NELL2: variants seen among roughly 807,000 people sequenced by gnomAD.
The protein encoded by NELL2 is neural EGFL like 2.
Under a neutral mutation model 109.6 loss-of-function variants are expected in NELL2, and 41 were observed. The ratio of observed to expected loss-of-function variants is 0.37; its 90% CI spans 0.29 to 0.49. The LOEUF (loss-of-function observed/expected upper bound fraction) is 0.49, where lower values mean the gene tolerates loss of function less well. Ranked by LOEUF, NELL2 falls within the 20% of genes least tolerant of loss-of-function variation. The probability of loss-of-function intolerance (pLI) is 0.98; values close to 1 mark genes in which losing one functional copy is unlikely to be tolerated. For missense variants in NELL2, 900 were observed against 1,008.3 expected, an observed-to-expected ratio of 0.89 and a Z score of 1.45; for synonymous variants, 355 against 344.7, an observed-to-expected ratio of 1.03 and a Z score of -0.33.
At chr12:44,731,186 T>C (rs1322504467) in intron 9 of NELL2, among the ~76,000 whole-genome samples, 1 of 152,198 alleles carries the variant, frequency 6.6e-6, no homozygotes, top group Admixed American at 6.5e-5. Flanking sequence ...GAATTAATGG[T>C]AATCTTTTTC....
At chr12:44,697,730 G>A (rs1475569651) in intron 12 of NELL2, among the ~76,000 whole-genome samples, 1 of 152,104 alleles carries the variant, frequency 6.6e-6, no homozygotes, top group Non-Finnish European at 1.5e-5. Context: ...ATCAAGCAGA[G>A]TCTGTAAGAA....
At chr12:44,891,056 T>G (rs879801285) in intron 1 of NELL2, among the ~76,000 whole-genome samples, 7 of 152,180 alleles carry the variant, frequency 4.6e-5, no homozygotes, top group African/African-American at 9.6e-5. Context: ...TTATGACTAC[T>G]AGTAGTGGAA....
intron 12 of NELL2, among the ~76,000 whole-genome samples, chr12:44,687,842 T>C (rs999382290): frequency 6.6e-6 from 1 of 152,228 alleles, no homozygotes; most frequent in Non-Finnish European, 1.5e-5. Context: ...TGGTGTCTTA[T>C]ATGTTACTTC....
At chr12:44,749,838 A>G (rs564165028) in intron 9 of NELL2, among the ~76,000 whole-genome samples, 2 of 152,172 alleles carry the variant, frequency 1.3e-5, no homozygotes, top group Non-Finnish European at 2.9e-5. Context: ...CAATGTAAGA[A>G]GCACTATCTT....
chr12:44,654,942 C>T (rs186067121), intron 13 of NELL2, among the ~76,000 whole-genome samples: 9 of 152,252 alleles, frequency 5.9e-5, no homozygotes, highest in Admixed American at 5.9e-4. Flanking sequence ...TCAAAGCCAA[C>T]AATCAAGAAA....
chr12:44,673,935 T>TA (rs202029207), intron 12 of NELL2, among the ~76,000 whole-genome samples: 1,837 of 147,046 alleles, frequency 0.012, 13 homozygotes, highest in East Asian at 0.027. Flanking sequence ...TGAGACACTT[T>TA]AAAAAAAAAA....
chr12:44,520,735 G>GA (rs1236951517), intron 18 of NELL2, among the ~76,000 whole-genome samples: 11 of 149,806 alleles, frequency 7.3e-5, no homozygotes, highest in South Asian at 6.4e-4. Context: ...TAGAGACTTT[G>GA]AAAAAAAAAG....
intron 15 of NELL2, among the ~76,000 whole-genome samples, chr12:44,555,462 T>C (rs942312398): frequency 6.6e-6 from 1 of 152,128 alleles, no homozygotes; most frequent in Non-Finnish European, 1.5e-5. Flanking sequence ...AGAATAACAT[T>C]AGTTTTAGTA....
chr12:44,845,493 C>T (rs977842076), intron 2 of NELL2, among the ~76,000 whole-genome samples: 2 of 152,192 alleles, frequency 1.3e-5, no homozygotes, highest in African/African-American at 4.8e-5. Context: ...TTCACATTAG[C>T]CACATTTCAA....
At chr12:44,633,861 C>T (rs565630106) in intron 13 of NELL2, among the ~76,000 whole-genome samples, 1 of 152,228 alleles carries the variant, frequency 6.6e-6, no homozygotes, top group African/African-American at 2.4e-5. Flanking sequence ...AAAAGAGCTT[C>T]TACTGAAGAG....
chr12:44,770,212 C>T (rs528572712), intron 9 of NELL2, among the ~76,000 whole-genome samples: 1 of 152,156 alleles, frequency 6.6e-6, no homozygotes, highest in Admixed American at 6.5e-5. Context: ...CATTTCACTA[C>T]TTTGTATTTT....
chr12:44,729,530 A>C (rs1939253207), intron 9 of NELL2, among the ~76,000 whole-genome samples: 1 of 150,644 alleles, frequency 6.6e-6, no homozygotes, highest in South Asian at 2.1e-4. Context: ...TAAATGGATT[A>C]AACTGTCAAA....
chr12:44,682,218 T>G (rs908854353), intron 12 of NELL2, among the ~76,000 whole-genome samples: 3 of 150,436 alleles, frequency 2.0e-5, no homozygotes, highest in Non-Finnish European at 2.9e-5. Context: ...AATGTCTTCT[T>G]TTGAGAAGTG....
At chr12:44,512,521 C>T (rs1467163095) in intron 19 of NELL2, among the ~76,000 whole-genome samples, 1 of 151,994 alleles carries the variant, frequency 6.6e-6, no homozygotes, top group African/African-American at 2.4e-5. Flanking sequence ...GAAGATATAT[C>T]TGAACCCCCA....
At chr12:44,530,898 C>T (rs1347365446) in intron 16 of NELL2, among the ~76,000 whole-genome samples, 2 of 152,174 alleles carry the variant, frequency 1.3e-5, no homozygotes, top group African/African-American at 4.8e-5. Context: ...GCACAAATCC[C>T]TGACCCATAG....
chr12:44,615,021 T>C (rs914210464), intron 13 of NELL2, among the ~76,000 whole-genome samples: 3 of 152,072 alleles, frequency 2.0e-5, no homozygotes, highest in African/African-American at 7.2e-5. Flanking sequence ...AAAATGATTA[T>C]AAAGTTAAAA....
chr12:44,583,239 T>C (rs900868871), intron 15 of NELL2, among the ~76,000 whole-genome samples: 1 of 152,066 alleles, frequency 6.6e-6, no homozygotes, highest in Non-Finnish European at 1.5e-5. Context: ...ACAAGGAGGG[T>C]TGGAGGGTAT....
chr12:44,707,961 C>T (rs576184178), intron 11 of NELL2, among the ~76,000 whole-genome samples: 86 of 152,132 alleles, frequency 5.7e-4, no homozygotes, highest in Non-Finnish European at 8.5e-4. Flanking sequence ...GCCCCTATTG[C>T]TTATAATTAT....
intron 9 of NELL2, among the ~76,000 whole-genome samples, chr12:44,722,091 G>A (rs1938806037): frequency 6.6e-6 from 1 of 152,076 alleles, no homozygotes; most frequent in Non-Finnish European, 1.5e-5. Flanking sequence ...AGAAGGAAAA[G>A]GAGTAAGCAA....
Sources: allele counts gnomAD v4.1 joint callset (sites outside exome capture counted in the v4.1 genomes callset), GRCh38; gene constraint gnomAD v4.1.1; transcripts MANE v1.5; gene names NCBI Gene and HGNC (gene_info 2026-07-23, HGNC 2026-07-21).